The following SOX6 variants were observed in gnomAD, a reference collection of about 807,000 sequenced individuals.
The protein encoded by SOX6 is SRY-box transcription factor 6.
A neutral mutation model predicts 97.8 loss-of-function variants in SOX6; 11 were observed. That is an observed-to-expected ratio of 0.11 (90% confidence interval 0.07 to 0.19). The LOEUF (loss-of-function observed/expected upper bound fraction) is 0.19, where lower values mean the gene tolerates loss of function less well. SOX6 is among the 10% of genes least tolerant of loss of function. The pLI is 1.00. For missense variants in SOX6, 810 were observed against 1,039.5 expected, an observed-to-expected ratio of 0.78 and a Z score of 3.04; for synonymous variants, 360 against 371.4, an observed-to-expected ratio of 0.97 and a Z score of 0.35.
intron 1 of SOX6, among the ~76,000 whole-genome samples, chr11:16,401,336 A>G (rs1858553383): frequency 6.6e-6 from 1 of 151,398 alleles, no homozygotes; most frequent in Admixed American, 6.6e-5. Context: ...TTTGACAGGG[A>G]AAAAAATCTC....
At chr11:16,419,536 T>TA (rs35428418) in intron 1 of SOX6, among the ~76,000 whole-genome samples, 54,078 of 150,964 alleles carry the variant, frequency 0.36, 10,198 homozygotes, top group East Asian at 0.54. Flanking sequence ...ATTTTAAAAA[T>TA]AAAAAAAAAT....
At chr11:16,005,938 G>T (rs1442186665) in intron 13 of SOX6, among the ~76,000 whole-genome samples, 1 of 151,750 alleles carries the variant, frequency 6.6e-6, no homozygotes, top group Non-Finnish European at 1.5e-5. Flanking sequence ...TCATGTCTCA[G>T]GTGTAAATAT....
At chr11:16,453,132 G>A (rs536871405) in intron 1 of SOX6, among the ~76,000 whole-genome samples, 1 of 152,010 alleles carries the variant, frequency 6.6e-6, no homozygotes, top group Non-Finnish European at 1.5e-5. Flanking sequence ...CAGCTCTCAC[G>A]ACTTTTTTTT....
chr11:16,419,671 T>C (rs956225171), intron 1 of SOX6, among the ~76,000 whole-genome samples: 1 of 152,186 alleles, frequency 6.6e-6, no homozygotes, highest in Non-Finnish European at 1.5e-5. Context: ...TAGATTACAA[T>C]GACATATAGA....
intron 4 of SOX6, among the ~76,000 whole-genome samples, chr11:16,232,601 G>T (rs897093775): frequency 2.0e-5 from 3 of 151,900 alleles, no homozygotes; most frequent in African/African-American, 4.8e-5. Context: ...AGACGGAAAG[G>T]GGGGGAGAAA....
intron 1 of SOX6, among the ~76,000 whole-genome samples, chr11:16,364,972 C>A (rs1411190510): frequency 6.6e-6 from 1 of 152,048 alleles, no homozygotes. Context: ...TTTATCTCGG[C>A]CATTATCCAC....
chr11:16,542,663 T>C (rs1358745482), intron 4 of SOX6, among the ~76,000 whole-genome samples: 1 of 152,110 alleles, frequency 6.6e-6, no homozygotes, highest in Non-Finnish European at 1.5e-5. Flanking sequence ...ATAACTTGAA[T>C]TATTAATTAA....
chr11:16,433,077 C>T (rs1215042042), intron 1 of SOX6, among the ~76,000 whole-genome samples: 2 of 151,946 alleles, frequency 1.3e-5, no homozygotes, highest in African/African-American at 2.4e-5. Context: ...CTATAGAAAC[C>T]TCTCGAACCA....
intron 6 of SOX6, among the ~76,000 whole-genome samples, chr11:16,121,578 G>A (rs755402585): frequency 1.3e-5 from 2 of 151,854 alleles, no homozygotes; most frequent in Non-Finnish European, 2.9e-5. Flanking sequence ...GCTTACTTTG[G>A]AATAAGGTCA....
intron 4 of SOX6, among the ~76,000 whole-genome samples, chr11:16,505,489 G>A (rs899030240): frequency 6.6e-6 from 1 of 152,148 alleles, no homozygotes; most frequent in Non-Finnish European, 1.5e-5. Flanking sequence ...TGGAAGCAAA[G>A]TGGAAAAGTT....
intron 4 of SOX6, among the ~76,000 whole-genome samples, chr11:16,572,820 A>C (rs1262121938): frequency 6.6e-6 from 1 of 152,122 alleles, no homozygotes; most frequent in Non-Finnish European, 1.5e-5. Flanking sequence ...ATTATCAACT[A>C]CCCTAGCATT....
chr11:16,639,822 G>T (rs986125055), intron 3 of SOX6, among the ~76,000 whole-genome samples: 2 of 152,048 alleles, frequency 1.3e-5, no homozygotes, highest in African/African-American at 2.4e-5. Context: ...GAGACGATAG[G>T]GTTTTCTAGA....
intron 3 of SOX6, among the ~76,000 whole-genome samples, chr11:16,248,787 C>T (rs1853417214): frequency 6.6e-6 from 1 of 152,184 alleles, no homozygotes; most frequent in Admixed American, 6.6e-5. Flanking sequence ...ACATTTTCCC[C>T]ATTGTCTTAG....
chr11:16,540,683 A>G (rs1483235104), intron 4 of SOX6, among the ~76,000 whole-genome samples: 2 of 152,198 alleles, frequency 1.3e-5, no homozygotes, highest in Non-Finnish European at 2.9e-5. Context: ...AATAACAGAC[A>G]ATCAGAGAGC....
intron 3 of SOX6, among the ~76,000 whole-genome samples, chr11:16,625,797 G>A (rs972911374): frequency 6.6e-6 from 1 of 152,058 alleles, no homozygotes; most frequent in African/African-American, 2.4e-5. Context: ...CCTTAAGAGG[G>A]CGTAAGAGCT....
chr11:16,383,174 C>A (rs925252410), intron 1 of SOX6, among the ~76,000 whole-genome samples: 2 of 151,860 alleles, frequency 1.3e-5, no homozygotes, highest in Non-Finnish European at 2.9e-5. Flanking sequence ...AAAGTTCATT[C>A]TTTTAGGATT....
rs569000014 is a variant in SOX6, at chr11:16,160,396, G to A, written c.777+23490C>T. On this transcript the variant is annotated intron_variant, in intron 6 of 15. Coordinates refer to ENST00000683767, the MANE Select transcript of SOX6 (RefSeq NM_001367873.1). ...GGCAAACTACAGGAGCTGACAGATG[G>A]AAGCTGTATGTTTTACAGTATTTCT... Among the ~76,000 whole-genome samples, 5 of 152,284 alleles carry A rather than the reference G, an allele frequency of 3.3e-5. No individual in the cohort carries two copies. The South Asian group carries it at 1.0e-3, about 32-fold the overall frequency.
intron 4 of SOX6, among the ~76,000 whole-genome samples, chr11:16,486,033 AC>A (rs142975285): frequency 0.029 from 3,524 of 122,992 alleles, 401 homozygotes; most frequent in Non-Finnish European, 0.041. Flanking sequence ...TCCTGTCATT[AC>A]TTTATAAAGG....
At chr11:16,738,357 G>A (rs1015949661) in intron 1 of SOX6, 1 of 206,558 alleles carries the variant, frequency 4.8e-6, no homozygotes, top group Admixed American at 5.2e-5. Context: ...GGGCAGCGTT[G>A]CACGGTGAAA....
Sources: gnomAD v4.1 joint callset for allele counts (sites outside exome capture counted in the v4.1 genomes callset) on GRCh38, gnomAD v4.1.1 for gene constraint, MANE v1.5 for transcripts, NCBI Gene and HGNC (gene_info 2026-07-23, HGNC 2026-07-21) for gene names.